PRKCD: variants seen among roughly 807,000 people sequenced by gnomAD.
PRKCD encodes the protein protein kinase C delta type.
In PRKCD, 20 loss-of-function variants were observed where a neutral mutation model predicts 82.2. That is an observed-to-expected ratio of 0.24 (90% CI 0.17 to 0.35). The LOEUF (loss-of-function observed/expected upper bound fraction) is 0.35, where lower values mean the gene tolerates loss of function less well. PRKCD is among the 10% of genes least tolerant of loss of function. The probability of loss-of-function intolerance (pLI) is 1.00; values close to 1 mark genes in which losing one functional copy is unlikely to be tolerated. For synonymous variants in PRKCD, 317 were observed against 337.0 expected, an observed-to-expected ratio of 0.94 and a Z score of 0.65; for missense variants, 607 against 899.0, an observed-to-expected ratio of 0.68 and a Z score of 4.15.
intron 2 of PRKCD, among the ~76,000 whole-genome samples, chr3:53,166,732 G>A (rs1702844768): frequency 6.6e-6 from 1 of 152,260 alleles, no homozygotes; most frequent in South Asian, 2.1e-4. Context: ...CACCTGAGGG[G>A]CAAGTTCCAG....
In PRKCD at chr3:53,185,697, C is replaced by G; in HGVS notation, c.982C>G (p.Gln328Glu). 1.2e-6 allele frequency: 2 copies of G among 1,612,144 alleles called. No individual in the cohort carries two copies. The highest frequency in any genetic ancestry group is 1.7e-6 in the Non-Finnish European group (2 of 1,179,918). The part of the protein sequence containing the change: ...KKTGVAGEDM[Q>E]DNSGTYGKIW... ...GACCGGAGTTGCTGGGGAGGACATG[C>G]AAGGTGAAGCTGGGTCCATTGCCCC... is the stretch of plus-strand genomic sequence containing the variant. The change falls in exon 11 of 19, where the codon CAA becomes GAA. Residue 328 changes from glutamine (Q) to glutamate (E), a missense_variant. Gln to Glu is a conservative substitution (Grantham distance 29). Around this residue, in one of 5 missense-constraint regions of PRKCD, gnomAD observed 85 missense variants for 76.1 expected, o/e 1.12. Transcript: ENST00000330452.
In PRKCD at chr3:53,169,750, TCAGCCCAGTTCTGCCCAGAGCCTCAGGC is replaced by T. The variant is rs1702956038; in HGVS notation, c.-20+4539_-20+4566del. ...TGCCAGTGGACTCATGCTGCCTGCTTCAGCCCAGTTCTGCCCAGAGCCTCAGGCCAGAACAGGGCACCCTGCGGCTGGG... is the reference window on the plus strand; with the variant it reads ...TGCCAGTGGACTCATGCTGCCTGCTTCAGAACAGGGCACCCTGCGGCTGGG... On this transcript the variant is annotated intron_variant, in intron 2 of 18. Coordinates refer to ENST00000330452, the MANE Select transcript of PRKCD (RefSeq NM_006254.4). This position sits in a 1 kb window ranked among gnomAD's most constrained non-coding sequence, Gnocchi z 4.7. 6.6e-6 allele frequency among the ~76,000 whole-genome samples: 1 copy of T among 152,156 alleles called. No individual in the cohort carries two copies. The highest frequency in any genetic ancestry group is 2.1e-4 in the South Asian group (1 of 4,828).
intron 13 of PRKCD, 111 bp from the exon 14 acceptor site, chr3:53,186,493 T>A: frequency 2.2e-6 from 3 of 1,382,024 alleles, no homozygotes; most frequent in Non-Finnish European, 3.0e-6. Flanking sequence ...GTCGTCCACC[T>A]CAGCCAGGGC....
intron 18 of PRKCD, among the ~76,000 whole-genome samples, chr3:53,191,778 T>C (rs1703933506): frequency 6.6e-6 from 1 of 152,272 alleles, no homozygotes; most frequent in African/African-American, 2.4e-5. Context: ...TCCAACCATT[T>C]AAAAATGTGA....
In PRKCD at chr3:53,185,663, C is replaced by G; in HGVS notation, c.948C>G (p.Phe316Leu). 2 of 1,612,814 alleles carry G rather than the reference C, an allele frequency of 1.2e-6. No individual in the cohort carries two copies. Among genetic ancestry groups the G allele is most frequent in the Non-Finnish European group, 1.7e-6 (2 of 1,180,008 alleles). ...SSEPVGIYQG[F>L]EKKTGVAGED... ...AGCCTGTTGGGATATATCAGGGTTT[C>G]GAGAAGAAGACCGGAGTTGCTGGGG... The change falls in exon 11 of 19, where the codon TTC becomes TTG. Residue 316 changes from phenylalanine to leucine, a missense_variant. By Grantham distance (22) the Phe-to-Leu change is conservative. Around this residue, in one of 5 missense-constraint regions of PRKCD, gnomAD observed 85 missense variants for 76.1 expected, o/e 1.12. Coordinates refer to ENST00000330452, the MANE Select transcript of PRKCD (RefSeq NM_006254.4).
At chr3:53,191,674 A>C (rs1411756839) in intron 18 of PRKCD, among the ~76,000 whole-genome samples, 1 of 152,360 alleles carries the variant, frequency 6.6e-6, no homozygotes, top group African/African-American at 2.4e-5. Context: ...ACAAATGGGC[A>C]TGGTTGTGTA....
chr3:53,181,542 C>T lies in PRKCD; in HGVS notation c.475C>T (p.His159Tyr). The T allele has an allele frequency of 6.2e-7, 1 of 1,614,232 alleles. No homozygotes were observed. Among genetic ancestry groups the T allele is most frequent in the Non-Finnish European group, 8.5e-7 (1 of 1,180,036 alleles). The change falls in exon 6 of 19, where the codon CAT becomes TAT. Residue 159 changes from histidine to tyrosine, a missense_variant. This residue lies in a region of PRKCD where 161 missense variants were observed against 227.0 expected (regional missense o/e 0.71). Coordinates refer to ENST00000330452, the MANE Select transcript of PRKCD (RefSeq NM_006254.4). ...GGCCAAAATCCACTACATCAAGAACCATGAGTTTATCGCCACCTTCTTTGG... is the reference window on the plus strand; with the variant it reads ...GGCCAAAATCCACTACATCAAGAACTATGAGTTTATCGCCACCTTCTTTGG... ...KQAKIHYIKN[H>Y]EFIATFFGQP...
In PRKCD at chr3:53,179,695, G is replaced by A. The variant is rs782767295; in HGVS notation, c.234G>A (p.Glu78=). The A allele has an allele frequency of 6.2e-7, 1 of 1,610,620 alleles. No homozygotes were observed. The highest frequency in any genetic ancestry group is 2.2e-5 in the East Asian group (1 of 44,788). The change falls in exon 4 of 19, where the codon GAG becomes GAA. Residue 78 remains glutamate (E), a synonymous_variant. Transcript: ENST00000330452. The part of the protein sequence containing the change: ...VIQIVLMRAA[E]EPVSEVTVGV... ...AGATTGTGCTAATGCGGGCAGCAGA[G>A]GAGCCAGTGTCTGAGGTGACCGTGG...
At chr3:53,168,777 A>C (rs1553664315) in intron 2 of PRKCD, among the ~76,000 whole-genome samples, 1 of 148,594 alleles carries the variant, frequency 6.7e-6, no homozygotes, top group East Asian at 2.1e-4. Flanking sequence ...TGGCTGGGGC[A>C]CAGGAATGAG....
chr3:53,170,762 G>C (rs1702994635), intron 2 of PRKCD, among the ~76,000 whole-genome samples: 1 of 152,232 alleles, frequency 6.6e-6, no homozygotes, highest in Non-Finnish European at 1.5e-5. Flanking sequence ...CAGGGATGTG[G>C]GGTCCTTCCA....
intron 2 of PRKCD, among the ~76,000 whole-genome samples, chr3:53,177,220 C>T (rs1300066036): frequency 3.9e-5 from 6 of 152,188 alleles, no homozygotes; most frequent in Non-Finnish European, 8.8e-5. Context: ...GAACTCTTGG[C>T]CTCAAGCGAT....
At position 53,181,465 on chromosome 3, in the gene PRKCD, G is replaced by T. The variant is rs1553667505; in HGVS notation, c.398G>T (p.Ser133Ile). 1.2e-6 allele frequency: 2 copies of T among 1,614,168 alleles called. No homozygotes were observed. Among genetic ancestry groups the T allele is most frequent in the Non-Finnish European group, 1.7e-6 (2 of 1,180,016 alleles). ...CCAGATTGCAAACAGTCTATGCGCAGTGAGGACGAGGCCAAGTTCCCAACG... is the reference window on the plus strand; with the variant it reads ...CCAGATTGCAAACAGTCTATGCGCATTGAGGACGAGGCCAAGTTCCCAACG... ...EDVDCKQSMRSEDEAKFPTMN... is the reference protein window; with the variant it reads ...EDVDCKQSMRIEDEAKFPTMN... The change falls in exon 6 of 19, where the codon AGT (serine) becomes ATT (isoleucine). Residue 133 changes from serine (S) to isoleucine (I), a missense_variant. By Grantham distance (142) the Ser-to-Ile change is moderately radical. Coordinates refer to ENST00000330452, the MANE Select transcript of PRKCD (RefSeq NM_006254.4).
At chr3:53,168,565 A>G (rs1245667059) in intron 2 of PRKCD, among the ~76,000 whole-genome samples, 1 of 152,052 alleles carries the variant, frequency 6.6e-6, no homozygotes, top group East Asian at 1.9e-4. Context: ...CTGGCTGTGC[A>G]CACTTGAGCC....
Position 53,183,555 on chromosome 3 carries a change from T to C in PRKCD, c.761T>C (p.Leu254Pro). ...CDHCGSLLWG[L>P]VKQGLKCEDC... ...CACTGCGGCAGCCTGCTCTGGGGACTGGTGAAGCAGGGATTAAAGTGTGAA... is the reference window on the plus strand; with the variant it reads ...CACTGCGGCAGCCTGCTCTGGGGACCGGTGAAGCAGGGATTAAAGTGTGAA... Residue 254 changes from leucine (L) to proline (P), a missense_variant, in exon 9 of 19, where the codon CTG (leucine) becomes CCG (proline). Physicochemically the swap from Leu to Pro is moderately conservative, Grantham distance 98. This residue lies in a region of PRKCD where 109 missense variants were observed against 155.6 expected (regional missense o/e 0.70). Coordinates refer to ENST00000330452, the MANE Select transcript of PRKCD (RefSeq NM_006254.4). 6.2e-7 allele frequency: 1 copy of C among 1,614,204 alleles called. No homozygotes were observed. Among genetic ancestry groups the C allele is most frequent in the Non-Finnish European group, 8.5e-7 (1 of 1,180,006 alleles).
rs537773097 is a variant in PRKCD, at chr3:53,189,732, C to T, written c.1744-141C>T. ...CTGGGAGCACTGCAGGCCAGAGTGG[C>T]CTCCCTCAGCCCCACCGTTCCCCAG... On this transcript the variant is annotated intron_variant, in intron 17 of 18. Coordinates refer to ENST00000330452, the MANE Select transcript of PRKCD (RefSeq NM_006254.4). The T allele has an allele frequency of 9.3e-6, 11 of 1,178,786 alleles. No individual in the cohort carries two copies. In the East Asian group the frequency reaches 2.6e-4, roughly 28 times the overall value. 73.0% of individuals were successfully genotyped at this position (1,178,786 alleles called of 1,614,324 possible).
chr3:53,167,687 C>T (rs1702878412), intron 2 of PRKCD, among the ~76,000 whole-genome samples: 1 of 152,242 alleles, frequency 6.6e-6, no homozygotes, highest in Admixed American at 6.5e-5. Context: ...TTATGTAAAG[C>T]ATTTAGAGCC....
intron 3 of PRKCD, among the ~76,000 whole-genome samples, chr3:53,179,204 G>A (rs907136472): frequency 1.1e-4 from 17 of 152,248 alleles, no homozygotes; most frequent in Admixed American, 6.5e-4. Flanking sequence ...TTCGCCACCC[G>A]GGCCTGGGGA....
At chr3:53,168,140 G>C (rs782284118) in intron 2 of PRKCD, among the ~76,000 whole-genome samples, 5 of 152,252 alleles carry the variant, frequency 3.3e-5, no homozygotes, top group African/African-American at 1.2e-4. Context: ...GGGGGTGGAC[G>C]TAAGCCCTCC....
chr3:53,187,443 C>A (rs1553669520), intron 15 of PRKCD, 41 bp downstream of exon 15: 3 of 1,600,744 alleles, frequency 1.9e-6, no homozygotes, highest in South Asian at 1.1e-5. Context: ...GGAGGGGAGG[C>A]TCCAGCCCCA....
Sources: gnomAD v4.1 joint callset for allele counts (sites outside exome capture counted in the v4.1 genomes callset) on GRCh38, gnomAD v4.1.1 for gene constraint, gnomAD v4.1.1 regional missense constraint, Gnocchi (gnomAD v3.1) non-coding constraint, MANE v1.5 for transcripts, NCBI Gene and HGNC (gene_info 2026-07-23, HGNC 2026-07-21) for gene names.